The following CD109 variants were observed in gnomAD, a reference collection of about 807,000 sequenced individuals.
The protein encoded by CD109 is CD109 antigen.
In CD109, 149 loss-of-function variants were observed where a neutral mutation model predicts 165.8. The ratio of observed to expected loss-of-function variants is 0.90; its 90% CI spans 0.79 to 1.03. The LOEUF (loss-of-function observed/expected upper bound fraction) is 1.03. CD109 is among the 50% of genes least tolerant of loss of function. The probability of loss-of-function intolerance (pLI) is 0.00; values close to 1 mark genes in which losing one functional copy is unlikely to be tolerated. For synonymous variants in CD109, 585 were observed against 592.1 expected (o/e 0.99, Z 0.18); for missense variants, 1,712 against 1,677.8 (o/e 1.02, Z -0.36).
chr6:73,824,211 T>C lies in CD109; in HGVS notation c.*578T>C, dbSNP rs1349693124. On this transcript the variant is annotated 3_prime_UTR_variant, in exon 33 of 33. Transcript: ENST00000287097. ...TTTAAGTGGCACGGTCTTTTTCTGC[T>C]TGAAATCTGATCACACCCCCCAGCC... 6.6e-6 allele frequency: 1 copy of C among 151,946 alleles called. No individual in the cohort carries two copies. The highest frequency in any genetic ancestry group is 1.5e-5 in the Non-Finnish European group (1 of 68,120). The allele number at this position is 151,946 out of a possible 1,614,324, so 9.4% of individuals were successfully genotyped here. A position where few individuals can be genotyped will look rare whatever the true frequency, so the allele number is the denominator to read the frequency against.
the CD109 span, among the ~76,000 whole-genome samples, chr6:73,688,202 A>C: frequency 1.1e-4 from 16 of 139,190 alleles, no homozygotes; most frequent in Non-Finnish European, 2.3e-4. Flanking sequence ...ACTATTTATG[A>C]TAATATATTA....
chr6:73,799,388 C>A (rs1775285861), intron 23 of CD109, among the ~76,000 whole-genome samples: 1 of 152,088 alleles, frequency 6.6e-6, no homozygotes, highest in Non-Finnish European at 1.5e-5. Flanking sequence ...TCATTGGTAA[C>A]TATATCAGGC....
intron 3 of CD109, among the ~76,000 whole-genome samples, chr6:73,726,619 G>A (rs540098952): frequency 6.6e-6 from 1 of 152,308 alleles, no homozygotes; most frequent in Admixed American, 6.5e-5. Flanking sequence ...GCTTTAGACA[G>A]CCCAGATTAG....
chr6:73,730,925 G>A (rs1181881983), intron 4 of CD109, among the ~76,000 whole-genome samples: 1 of 152,182 alleles, frequency 6.6e-6, no homozygotes, highest in East Asian at 1.9e-4. Flanking sequence ...GTAGGAGACA[G>A]ACATAATAAA....
chr6:73,777,133 T>A (rs1215316884), intron 15 of CD109, among the ~76,000 whole-genome samples: 4 of 151,502 alleles, frequency 2.6e-5, no homozygotes, highest in Non-Finnish European at 5.9e-5. Flanking sequence ...AATTTTGTAT[T>A]TTTTAGTAGA....
chr6:73,762,956 A>T, intron 9 of CD109, 74 bp downstream of exon 9: 1 of 1,315,396 alleles, frequency 7.6e-7, no homozygotes, highest in Non-Finnish European at 1.0e-6. Flanking sequence ...TATAACTGGC[A>T]CTTTCATTTG....
chr6:73,769,321 A>G (rs1773958731), intron 14 of CD109, among the ~76,000 whole-genome samples: 1 of 152,192 alleles, frequency 6.6e-6, no homozygotes. Flanking sequence ...GTAGAGCACA[A>G]TTTTTGACTT....
intron 2 of CD109, among the ~76,000 whole-genome samples, chr6:73,720,043 C>T (rs377266908): frequency 6.6e-6 from 1 of 152,266 alleles, no homozygotes; most frequent in East Asian, 1.9e-4. Context: ...AGCTGCACCC[C>T]CACATCCACT....
intron 2 of CD109, among the ~76,000 whole-genome samples, chr6:73,718,679 T>C: frequency 6.6e-6 from 1 of 152,098 alleles, no homozygotes; most frequent in Middle Eastern, 3.2e-3. Context: ...TTTGTCTGTG[T>C]GACCCTGGGA....
In CD109 at chr6:73,824,398, A is replaced by T. The variant is rs6907830; in HGVS notation, c.*765A>T. 1 of 151,986 alleles carries T rather than the reference A, an allele frequency of 6.6e-6. No homozygotes were observed. The highest frequency in any genetic ancestry group is 1.5e-5 in the Non-Finnish European group (1 of 68,046). The allele number at this position is 151,986 out of a possible 1,614,324, so 9.4% of individuals were successfully genotyped here. A position where few individuals can be genotyped will look rare whatever the true frequency, so the allele number is the denominator to read the frequency against. ...ACATCCTCAGCCCCACACCAGCTCT[A>T]TTTCAGGGGTGAGAGTCAGAGAGCA... On this transcript the variant is annotated 3_prime_UTR_variant, in exon 33 of 33. Transcript: ENST00000287097.
intron 14 of CD109, among the ~76,000 whole-genome samples, chr6:73,771,188 G>T (rs1774019786): frequency 6.6e-6 from 1 of 152,204 alleles, no homozygotes; most frequent in South Asian, 2.1e-4. Context: ...GAAGAAAAAA[G>T]ATACAGAATT....
At chr6:73,710,029 C>T (rs1243235307) in intron 2 of CD109, among the ~76,000 whole-genome samples, 2 of 152,156 alleles carry the variant, frequency 1.3e-5, no homozygotes, top group East Asian at 3.8e-4. Context: ...TGAAAACTGG[C>T]ACAAGACAGG....
chr6:73,771,995 A>G lies in CD109; in HGVS notation c.1827+414A>G, dbSNP rs1050589591. Among the ~76,000 whole-genome samples the G allele has an allele frequency of 3.3e-5, 5 of 152,358 alleles. No homozygotes were observed. The East Asian group carries it at 5.8e-4, about 18-fold the overall frequency. On this transcript the variant is annotated intron_variant, in intron 15 of 32. Transcript: ENST00000287097. ...TTAATTAGCTTAATCATTCCACAGT[A>G]TATACAAATATCAATATATCACATT...
rs1270516284 is a variant in CD109 at position 73,792,608 on chromosome 6, C to T, written c.2702-18C>T. The T allele has an allele frequency of 6.2e-7, 1 of 1,610,886 alleles. No homozygotes were observed. Among genetic ancestry groups the T allele is most frequent in the Admixed American group, 1.7e-5 (1 of 59,840 alleles). ...TACTGAGTATTTACTGAATGAACTG[C>T]ATGTCTTGTGCTTCCAGGAGATGTT... On this transcript the variant is annotated intron_variant, in intron 22 of 32. Coordinates refer to ENST00000287097, the MANE Select transcript of CD109 (RefSeq NM_133493.5).
chr6:73,815,258 T>C (rs1775897744), intron 30 of CD109, 135 bp downstream of exon 30: 1 of 589,280 alleles, frequency 1.7e-6, no homozygotes, highest in Non-Finnish European at 2.6e-6. Flanking sequence ...CACTTCAGAT[T>C]ACAAACTAGA....
intron 23 of CD109, among the ~76,000 whole-genome samples, chr6:73,798,495 T>C (rs77062612): frequency 0.013 from 1,932 of 152,218 alleles, 46 homozygotes; most frequent in African/African-American, 0.044. Context: ...CAATGATGCA[T>C]GCTGGTTTAA....
At position 73,771,508 on chromosome 6, in the gene CD109, C is replaced by T; in HGVS notation, c.1754C>T (p.Ser585Phe). The change falls in exon 15 of 33, where the codon TCC becomes TTC. Residue 585 changes from serine to phenylalanine, a missense_variant. Transcript: ENST00000287097. ...AGGATCTCTGTGACACAGCCTGACTCCATAGTTGGGATTGTAGCTGTTGAC... is the reference window on the plus strand; with the variant it reads ...AGGATCTCTGTGACACAGCCTGACTTCATAGTTGGGATTGTAGCTGTTGAC... The part of the protein sequence containing the change: ...SLRISVTQPD[S>F]IVGIVAVDKS... 3.7e-6 allele frequency: 6 copies of T among 1,610,896 alleles called. No homozygotes were observed. The highest frequency in any genetic ancestry group is 4.2e-6 in the Non-Finnish European group (5 of 1,178,444).
chr6:73,810,666 G>C (rs138442925), intron 27 of CD109, among the ~76,000 whole-genome samples: 2 of 138,538 alleles, frequency 1.4e-5, no homozygotes, highest in Non-Finnish European at 1.6e-5. Flanking sequence ...GTAACATTGT[G>C]GTATAAAAAA....
chr6:73,805,122 C>T (rs1775516590), intron 24 of CD109, among the ~76,000 whole-genome samples: 1 of 152,138 alleles, frequency 6.6e-6, no homozygotes, highest in Admixed American at 6.6e-5. Context: ...ACTAGAAATA[C>T]CATTTGACCC....
Sources: allele counts gnomAD v4.1 joint callset (sites outside exome capture counted in the v4.1 genomes callset), GRCh38; gene constraint gnomAD v4.1.1; transcripts MANE v1.5; gene names NCBI Gene and HGNC (gene_info 2026-07-23, HGNC 2026-07-21).